PLXDC2: variants seen among roughly 807,000 people sequenced by gnomAD.
PLXDC2 encodes the protein plexin domain containing 2, also known as plexin domain-containing protein 2.
In PLXDC2, 40 loss-of-function variants were observed where a neutral mutation model predicts 68.9. The ratio of observed to expected loss-of-function variants is 0.58; its 90% CI spans 0.45 to 0.76. The LOEUF (loss-of-function observed/expected upper bound fraction) is 0.76, where lower values mean the gene tolerates loss of function less well. Among genes scored for constraint, PLXDC2 ranks in the 30% least tolerant of loss-of-function variants. The probability of loss-of-function intolerance (pLI) is 0.00; values close to 1 mark genes in which losing one functional copy is unlikely to be tolerated. For missense variants in PLXDC2, 644 were observed against 661.9 expected (o/e 0.97, Z 0.30); for synonymous variants, 243 against 234.2 (o/e 1.04, Z -0.34).
chr10:20,164,669 T>A, intron 7 of PLXDC2, 102 bp downstream of exon 7: 1 of 853,418 alleles, frequency 1.2e-6, no homozygotes, highest in Admixed American at 2.1e-5. Context: ...AAAAAATAGC[T>A]AATCGATTAG....
At chr10:20,155,973 G>T (rs1298554596) in intron 6 of PLXDC2, among the ~76,000 whole-genome samples, 1 of 152,096 alleles carries the variant, frequency 6.6e-6, no homozygotes, top group Non-Finnish European at 1.5e-5. Flanking sequence ...TCTGCCTCCC[G>T]AGTTCAAATG....
intron 4 of PLXDC2, among the ~76,000 whole-genome samples, chr10:20,072,451 AAG>A: frequency 6.7e-6 from 1 of 149,934 alleles, no homozygotes; most frequent in Middle Eastern, 3.4e-3. Context: ...GAAGGAAAGA[AAG>A]AAAAAGAAGA....
At chr10:20,256,574 AT>A (rs756946857) in intron 13 of PLXDC2, among the ~76,000 whole-genome samples, 8 of 152,170 alleles carry the variant, frequency 5.3e-5, no homozygotes, top group Non-Finnish European at 1.2e-4. Flanking sequence ...AATTATTAAA[AT>A]TTATTGTGCC....
chr10:19,842,908 C>A (rs1228603097), intron 1 of PLXDC2, among the ~76,000 whole-genome samples: 2 of 152,096 alleles, frequency 1.3e-5, no homozygotes, highest in African/African-American at 4.8e-5. Context: ...GTAAACAAAT[C>A]TGACAGGAGT....
At chr10:19,850,916 A>G (rs546730014) in intron 1 of PLXDC2, among the ~76,000 whole-genome samples, 10 of 152,248 alleles carry the variant, frequency 6.6e-5, no homozygotes, top group Admixed American at 1.3e-4. Context: ...ATGTCATTCA[A>G]TTTGCTTTCA....
intron 1 of PLXDC2, among the ~76,000 whole-genome samples, chr10:19,940,273 G>GAA (rs1329729429): frequency 6.6e-6 from 1 of 151,982 alleles, no homozygotes; most frequent in Non-Finnish European, 1.5e-5. Flanking sequence ...CTAGAACATG[G>GAA]AAATATATAC....
chr10:20,287,435 G>A lies in PLXDC2; in HGVS notation c.*7616G>A, dbSNP rs1836171145. On this transcript the variant is annotated 3_prime_UTR_variant, in exon 14 of 14. Transcript: ENST00000377252. ...CCAGAGCTGGATTTCTCTGAGATTT[G>A]ACCATCTCAGGACTCAGACAGACTC... The A allele has an allele frequency of 6.6e-6, 1 of 152,180 alleles. No homozygotes were observed. The highest frequency in any genetic ancestry group is 6.5e-5 in the Admixed American group (1 of 15,278). 9.4% of individuals were successfully genotyped at this position (152,180 alleles called of 1,614,324 possible).
chr10:20,169,581 A>G lies in PLXDC2; in HGVS notation c.883+5014A>G, dbSNP rs561629394. On this transcript the variant is annotated intron_variant, in intron 7 of 13. Coordinates refer to ENST00000377252, the MANE Select transcript of PLXDC2 (RefSeq NM_032812.9). ...GCACTAATTTGTTTCTCTCTCCTCC[A>G]ATGTAACATTTTGAATTTCAATCAT... is the stretch of plus-strand genomic sequence containing the variant. Among the ~76,000 whole-genome samples, 4 of 152,216 alleles carry G rather than the reference A, an allele frequency of 2.6e-5. No homozygotes were observed. In the South Asian group the frequency reaches 8.3e-4, roughly 32 times the overall value.
chr10:19,994,312 A>ATTT lies in PLXDC2; in HGVS notation c.113-7437_113-7435dup, dbSNP rs869124443. ...TCTGACTACTTGGAAACATGATTAA[A>ATTT]TTTTTTTTTTTTTTTTTTTTTTTTT... On this transcript the variant is annotated intron_variant, in intron 1 of 13. Coordinates refer to ENST00000377252, the MANE Select transcript of PLXDC2 (RefSeq NM_032812.9). Among the ~76,000 whole-genome samples, 20 of 34,326 alleles carry ATTT rather than the reference A, an allele frequency of 5.8e-4. 1 individual carries two copies. The highest frequency in any genetic ancestry group is 9.9e-4 in the African/African-American group (8 of 8,044). 22.5% of individuals were successfully genotyped at this position (34,326 alleles called of 152,430 possible).
intron 12 of PLXDC2, among the ~76,000 whole-genome samples, chr10:20,242,087 T>G (rs1835523650): frequency 6.6e-6 from 1 of 152,184 alleles, no homozygotes; most frequent in Non-Finnish European, 1.5e-5. Context: ...CTCAAAAATA[T>G]CTACTATTTT....
chr10:19,998,892 G>T (rs12776922), intron 1 of PLXDC2, among the ~76,000 whole-genome samples: 9,755 of 152,196 alleles, frequency 0.064, 380 homozygotes, highest in Middle Eastern at 0.13. Flanking sequence ...TCTCATACCT[G>T]TCTGCTAAAT....
chr10:19,945,927 G>C (rs1216878968), intron 1 of PLXDC2, among the ~76,000 whole-genome samples: 2 of 152,144 alleles, frequency 1.3e-5, no homozygotes, highest in African/African-American at 4.8e-5. Flanking sequence ...TTTCACACCC[G>C]CTTCCAAATC....
At chr10:20,009,620 T>C (rs1835077947) in intron 2 of PLXDC2, among the ~76,000 whole-genome samples, 1 of 151,428 alleles carries the variant, frequency 6.6e-6, no homozygotes, top group African/African-American at 2.4e-5. Context: ...CATTGGTTCA[T>C]GAATAGGCAG....
chr10:20,119,155 CAT>C (rs1461660570), intron 4 of PLXDC2, among the ~76,000 whole-genome samples: 3 of 151,982 alleles, frequency 2.0e-5, no homozygotes, highest in Non-Finnish European at 2.9e-5. Flanking sequence ...ATGTAAGAGA[CAT>C]GTGCTGAGTT....
intron 4 of PLXDC2, among the ~76,000 whole-genome samples, chr10:20,078,019 A>G (rs1836480850): frequency 6.6e-6 from 1 of 152,112 alleles, no homozygotes; most frequent in Non-Finnish European, 1.5e-5. Context: ...TGAAAACACA[A>G]CTATTTTTCA....
intron 2 of PLXDC2, among the ~76,000 whole-genome samples, chr10:20,012,553 T>C (rs1161991970): frequency 6.6e-6 from 1 of 151,740 alleles, no homozygotes; most frequent in African/African-American, 2.4e-5. Flanking sequence ...CTCACACTCC[T>C]GACCTCAGGT....
chr10:20,257,710 TA>T (rs1400984145), intron 13 of PLXDC2, among the ~76,000 whole-genome samples: 5 of 152,180 alleles, frequency 3.3e-5, no homozygotes, highest in African/African-American at 1.2e-4. Context: ...TCGTTTTCAA[TA>T]AGAAGTTACT....
chr10:20,211,358 A>T (rs896770793), intron 9 of PLXDC2, among the ~76,000 whole-genome samples: 1 of 152,110 alleles, frequency 6.6e-6, no homozygotes, highest in East Asian at 1.9e-4. Flanking sequence ...AAGAAAATCC[A>T]CTTCATAGAA....
At chr10:19,894,870 G>A (rs149310156) in intron 1 of PLXDC2, among the ~76,000 whole-genome samples, 91 of 152,252 alleles carry the variant, frequency 6.0e-4, no homozygotes, top group African/African-American at 2.1e-3. Flanking sequence ...ATAGTGTGGC[G>A]ATTCTTCAAA....
Sources: gnomAD v4.1 joint callset for allele counts (sites outside exome capture counted in the v4.1 genomes callset) on GRCh38, gnomAD v4.1.1 for gene constraint, MANE v1.5 for transcripts, NCBI Gene and HGNC (gene_info 2026-07-23, HGNC 2026-07-21) for gene names.